The following DPP8 variants were observed in gnomAD, a reference collection of about 807,000 sequenced individuals.
DPP8 encodes the protein DPP VIII.
DPP8 carries 31 observed loss-of-function variants against 107.5 expected under a neutral mutation model. That is an observed-to-expected ratio of 0.29 (90% CI 0.22 to 0.39). The LOEUF (loss-of-function observed/expected upper bound fraction) is 0.39. Ranked by LOEUF, DPP8 falls within the 10% of genes least tolerant of loss-of-function variation. The pLI, the probability that DPP8 is intolerant of heterozygous loss-of-function variation, is 1.00. For synonymous variants in DPP8, 381 were observed against 356.6 expected, an observed-to-expected ratio of 1.07 and a Z score of -0.77; for missense variants, 842 against 1,076.1, an observed-to-expected ratio of 0.78 and a Z score of 3.04.
chr15:65,499,999 G>T (rs1398038771), intron 4 of DPP8, among the ~76,000 whole-genome samples: 8 of 152,172 alleles, frequency 5.3e-5, no homozygotes, highest in African/African-American at 1.7e-4. Context: ...AGGTTCAAGT[G>T]ATCCTCCCAC....
At chr15:65,459,685 T>C (rs2064746627) in intron 15 of DPP8, among the ~76,000 whole-genome samples, 1 of 151,916 alleles carries the variant, frequency 6.6e-6, no homozygotes, top group Non-Finnish European at 1.5e-5. Context: ...CCAGGTGCAG[T>C]GGCTCACGCC....
intron 1 of DPP8, chr15:65,516,615 AG>A (rs1382955016): frequency 6.6e-6 from 1 of 152,250 alleles, no homozygotes; most frequent in Non-Finnish European, 1.5e-5. Flanking sequence ...GACACCTCAT[AG>A]CACTAAGCCC....
chr15:65,484,803 C>A (rs769716874), intron 8 of DPP8, among the ~76,000 whole-genome samples: 1 of 152,102 alleles, frequency 6.6e-6, no homozygotes, highest in Non-Finnish European at 1.5e-5. Context: ...ATCTACCCAA[C>A]ACAGAAGGTA....
chr15:65,494,723 C>G, intron 5 of DPP8, among the ~76,000 whole-genome samples: 1 of 150,230 alleles, frequency 6.7e-6, no homozygotes, highest in East Asian at 2.0e-4. Context: ...CCTAATCTTT[C>G]TACTGCCATT....
chr15:65,492,760 A>C (rs2068168773), intron 5 of DPP8, among the ~76,000 whole-genome samples: 1 of 151,758 alleles, frequency 6.6e-6, no homozygotes. Flanking sequence ...AAGCCCAGCT[A>C]ATTTTTTAAA....
chr15:65,515,889 T>C (rs547776002), intron 1 of DPP8: 9 of 547,692 alleles, frequency 1.6e-5, no homozygotes, highest in African/African-American at 1.5e-4. Flanking sequence ...TTAAAACTGA[T>C]ACCAAAATAT....
At chr15:65,468,169 C>T (rs2065525023) in intron 12 of DPP8, among the ~76,000 whole-genome samples, 1 of 152,010 alleles carries the variant, frequency 6.6e-6, no homozygotes, top group Admixed American at 6.6e-5. Flanking sequence ...TTTATTGTTC[C>T]TATAAATCTT....
At chr15:65,483,246 T>C (rs1301802476) in intron 8 of DPP8, among the ~76,000 whole-genome samples, 1 of 151,544 alleles carries the variant, frequency 6.6e-6, no homozygotes, top group African/African-American at 2.4e-5. Flanking sequence ...TAGTACATGC[T>C]GAGTGTGGTG....
At chr15:65,514,395 A>G (rs768835567) in intron 1 of DPP8, among the ~76,000 whole-genome samples, 18 of 152,224 alleles carry the variant, frequency 1.2e-4, no homozygotes, top group African/African-American at 4.1e-4. Context: ...TACTGACAGT[A>G]TAAGACTGTG....
At chr15:65,477,233 C>A (rs916369470) in intron 11 of DPP8, among the ~76,000 whole-genome samples, 1 of 151,694 alleles carries the variant, frequency 6.6e-6, no homozygotes, top group Non-Finnish European at 1.5e-5. Flanking sequence ...CCAGCCCGGC[C>A]AAAATACAAA....
intron 5 of DPP8, among the ~76,000 whole-genome samples, chr15:65,490,749 T>G (rs963396393): frequency 6.6e-6 from 1 of 152,174 alleles, no homozygotes; most frequent in Non-Finnish European, 1.5e-5. Flanking sequence ...ATTCGACCAT[T>G]CTTCTTTCAT....
At position 65,466,570 on chromosome 15, in the gene DPP8, G is replaced by A. The variant is rs531079370; in HGVS notation, c.1825+108C>T. ...GCTCAGCAGCTCAGGGACAGGCAGT[G>A]GTGAGAGATGGAAAGACTTGTCCAG... On this transcript the variant is annotated intron_variant, in intron 14 of 19. Coordinates refer to ENST00000300141, the MANE Select transcript of DPP8 (RefSeq NM_130434.5). The A allele has an allele frequency of 4.1e-6, 4 of 982,552 alleles. No individual in the cohort carries two copies. The East Asian group carries it at 9.6e-5, about 24-fold the overall frequency. The allele number at this position is 982,552 out of a possible 1,614,324, so 60.9% of individuals were successfully genotyped here. A position where few individuals can be genotyped will look rare whatever the true frequency, so the allele number is the denominator to read the frequency against.
chr15:65,486,557 A>T (rs1297848057), intron 7 of DPP8, among the ~76,000 whole-genome samples: 1 of 152,138 alleles, frequency 6.6e-6, no homozygotes, highest in African/African-American at 2.4e-5. Flanking sequence ...CTGTCTTAAA[A>T]AAGTAAAATA....
chr15:65,489,100 A>G (rs2067735932), intron 6 of DPP8, among the ~76,000 whole-genome samples: 1 of 152,132 alleles, frequency 6.6e-6, no homozygotes, highest in African/African-American at 2.4e-5. Context: ...AGCTGGGACT[A>G]CAGGTGCATA....
intron 11 of DPP8, chr15:65,475,331 C>T (rs781081472): frequency 1.1e-5 from 13 of 1,133,728 alleles, no homozygotes; most frequent in Middle Eastern, 2.0e-4. Flanking sequence ...GCTGCTGCCC[C>T]GAGCCAGCTT....
intron 19 of DPP8, among the ~76,000 whole-genome samples, chr15:65,448,880 A>G (rs370086848): frequency 0.12 from 2,280 of 19,778 alleles, 201 homozygotes; most frequent in East Asian, 0.48. Flanking sequence ...ATATATATAT[A>G]TATATATATA....
intron 15 of DPP8, among the ~76,000 whole-genome samples, chr15:65,462,471 T>C (rs2065007097): frequency 1.3e-5 from 2 of 152,198 alleles, no homozygotes; most frequent in South Asian, 2.1e-4. Context: ...AATCTAAGGA[T>C]TGCATTATGA....
chr15:65,484,655 CAAAA>C (rs1161936925), intron 8 of DPP8, among the ~76,000 whole-genome samples: 3 of 98,344 alleles, frequency 3.1e-5, no homozygotes, highest in African/African-American at 7.7e-5. Flanking sequence ...GCTCTTAACT[CAAAA>C]AAAAAAAAAA....
intron 15 of DPP8, among the ~76,000 whole-genome samples, chr15:65,461,280 G>C (rs2064898011): frequency 6.6e-6 from 1 of 152,084 alleles, no homozygotes; most frequent in Non-Finnish European, 1.5e-5. Flanking sequence ...GAGTAGATGG[G>C]ACTGCAGGCA....
Sources: gnomAD v4.1 joint callset for allele counts (sites outside exome capture counted in the v4.1 genomes callset) on GRCh38, gnomAD v4.1.1 for gene constraint, MANE v1.5 for transcripts, NCBI Gene and HGNC (gene_info 2026-07-23, HGNC 2026-07-21) for gene names.